Variants in FRMD5 observed in about 807,000 individuals in gnomAD.
FRMD5 encodes the protein FERM domain containing 5.
In FRMD5, 20 loss-of-function variants were observed where a neutral mutation model predicts 69.0. The ratio of observed to expected loss-of-function variants is 0.29; its 90% confidence interval spans 0.20 to 0.42. FRMD5 has a LOEUF of 0.42. Among genes scored for constraint, FRMD5 ranks in the 10% least tolerant of loss-of-function variants. The pLI is 1.00. For synonymous variants in FRMD5, 271 were observed against 260.1 expected, an observed-to-expected ratio of 1.04 and a Z score of -0.40; for missense variants, 595 against 708.6, an observed-to-expected ratio of 0.84 and a Z score of 1.82.
intron 7 of FRMD5, 47 bp downstream of exon 7, chr15:43,902,128 C>T (rs549759063): frequency 1.4e-6 from 2 of 1,434,180 alleles, no homozygotes; most frequent in South Asian, 1.1e-5. Flanking sequence ...CTCCTGATGC[C>T]TTCTAGAGGA....
chr15:44,169,310 G>A (rs150368378), intron 1 of FRMD5, among the ~76,000 whole-genome samples: 2 of 151,732 alleles, frequency 1.3e-5, no homozygotes, highest in Admixed American at 6.6e-5. Context: ...TAGATTCTCC[G>A]CCATTCCTCC....
rs542689219 is a variant in FRMD5, at chr15:43,880,468, C to T, written c.1135+3235G>A. On this transcript the variant is annotated intron_variant, in intron 13 of 13. Coordinates refer to ENST00000417257, the MANE Select transcript of FRMD5 (RefSeq NM_032892.5). ...TTGAAAGACGTTGCACCTGAACTCTCGCCTCCTGGAAACTAACCCATTCTT... is the reference window on the plus strand; with the variant it reads ...TTGAAAGACGTTGCACCTGAACTCTTGCCTCCTGGAAACTAACCCATTCTT... 1.5e-4 allele frequency among the ~76,000 whole-genome samples: 23 copies of T among 152,236 alleles called. No individual in the cohort carries two copies. In the South Asian group the frequency reaches 3.1e-3, roughly 21 times the overall value.
At chr15:43,951,961 A>ATGTGTGTGTGTG (rs141804253) in intron 1 of FRMD5, among the ~76,000 whole-genome samples, 2 of 111,682 alleles carry the variant, frequency 1.8e-5, no homozygotes, top group African/African-American at 9.9e-5. Context: ...CTGTATGTGC[A>ATGTGTGTGTGTG]TGTGTGTGTG....
chr15:44,089,926 T>G (rs1005013014), intron 1 of FRMD5, among the ~76,000 whole-genome samples: 1 of 152,094 alleles, frequency 6.6e-6, no homozygotes, highest in African/African-American at 2.4e-5. Flanking sequence ...TGAAACTTTG[T>G]CTTCCACCTC....
chr15:44,090,400 G>A (rs1334775585), intron 1 of FRMD5, among the ~76,000 whole-genome samples: 1 of 150,696 alleles, frequency 6.6e-6, no homozygotes, highest in Non-Finnish European at 1.5e-5. Flanking sequence ...AAGATAAAAT[G>A]TTATGGAAGC....
At chr15:43,878,369 A>T (rs141269822) in intron 13 of FRMD5, among the ~76,000 whole-genome samples, 37 of 152,328 alleles carry the variant, frequency 2.4e-4, no homozygotes, top group African/African-American at 8.4e-4. Flanking sequence ...CATGGAATGG[A>T]ACCATGGGCC....
At chr15:44,180,138 C>T (rs2077972481) in intron 1 of FRMD5, among the ~76,000 whole-genome samples, 1 of 151,800 alleles carries the variant, frequency 6.6e-6, no homozygotes, top group Non-Finnish European at 1.5e-5. Flanking sequence ...ATCCCAGCTT[C>T]CCGACTTACT....
chr15:44,057,663 C>T (rs1892927458), intron 1 of FRMD5, among the ~76,000 whole-genome samples: 1 of 152,156 alleles, frequency 6.6e-6, no homozygotes, highest in Admixed American at 6.5e-5. Flanking sequence ...CAGGATACAA[C>T]AGCAACAAAA....
At chr15:43,951,752 G>C (rs1486464098) in intron 1 of FRMD5, among the ~76,000 whole-genome samples, 1 of 152,154 alleles carries the variant, frequency 6.6e-6, no homozygotes. Context: ...GTTGTGATGA[G>C]TGATGCTCAG....
At chr15:43,916,777 G>C (rs893636494) in intron 4 of FRMD5, among the ~76,000 whole-genome samples, 1 of 142,560 alleles carries the variant, frequency 7.0e-6, no homozygotes, top group Non-Finnish European at 1.5e-5. Flanking sequence ...TTACAAAATT[G>C]TATTTTTTTT....
At chr15:44,022,594 A>AC in intron 1 of FRMD5, among the ~76,000 whole-genome samples, 1 of 150,846 alleles carries the variant, frequency 6.6e-6, no homozygotes, top group Middle Eastern at 3.4e-3. Context: ...GAAAAAAAAA[A>AC]AAAAAAAAAA....
upstream of FRMD5, among the ~76,000 whole-genome samples, chr15:44,198,904 C>G (rs138509539): frequency 1.8e-4 from 27 of 152,296 alleles, no homozygotes; most frequent in African/African-American, 6.0e-4. Flanking sequence ...TATAATGGCT[C>G]TGAACCCCCA....
At chr15:44,142,804 C>T (rs1026104416) in intron 1 of FRMD5, among the ~76,000 whole-genome samples, 5 of 152,110 alleles carry the variant, frequency 3.3e-5, no homozygotes, top group African/African-American at 7.2e-5. Flanking sequence ...GAAGAGTAAA[C>T]GTAGGCCGGG....
intron 1 of FRMD5, among the ~76,000 whole-genome samples, chr15:43,993,881 C>G (rs929133808): frequency 1.3e-5 from 2 of 152,146 alleles, no homozygotes; most frequent in Non-Finnish European, 2.9e-5. Flanking sequence ...TTTTATCTGA[C>G]ATAAGAATAG....
intron 1 of FRMD5, among the ~76,000 whole-genome samples, chr15:44,185,734 A>G (rs1209469921): frequency 6.6e-6 from 1 of 151,986 alleles, no homozygotes; most frequent in Non-Finnish European, 1.5e-5. Flanking sequence ...CAGAGGTTGC[A>G]ATGAGCCGAC....
At chr15:44,008,785 G>A (rs755078391) in intron 1 of FRMD5, among the ~76,000 whole-genome samples, 5 of 152,018 alleles carry the variant, frequency 3.3e-5, no homozygotes, top group Non-Finnish European at 5.9e-5. Context: ...CCAGCACTTT[G>A]GGAGGCTGAG....
chr15:43,993,456 G>A (rs933751676), intron 1 of FRMD5, among the ~76,000 whole-genome samples: 13 of 152,328 alleles, frequency 8.5e-5, no homozygotes, highest in African/African-American at 2.9e-4. Flanking sequence ...GCCTCCCAAA[G>A]TGCTGGAATT....
intron 7 of FRMD5, among the ~76,000 whole-genome samples, chr15:43,897,725 T>C (rs2088948140): frequency 6.6e-6 from 1 of 152,120 alleles, no homozygotes; most frequent in Non-Finnish European, 1.5e-5. Context: ...TTACATTAAA[T>C]TTTTATAGGA....
At chr15:44,196,744 C>T (rs7497621), upstream of FRMD5, among the ~76,000 whole-genome samples, 28,882 of 109,910 alleles carry the variant, frequency 0.26, 3,386 homozygotes, top group Middle Eastern at 0.37. Flanking sequence ...CTCTCTCTCT[C>T]TCTCTCTTTC....
Sources: allele counts gnomAD v4.1 joint callset (sites outside exome capture counted in the v4.1 genomes callset), GRCh38; gene constraint gnomAD v4.1.1; transcripts MANE v1.5; gene names NCBI Gene and HGNC (gene_info 2026-07-23, HGNC 2026-07-21).